The following ADAM10 variants were observed in gnomAD, a reference collection of about 807,000 sequenced individuals.
ADAM10 encodes disintegrin and metalloproteinase domain-containing protein 10.
ADAM10 carries 17 observed loss-of-function variants against 90.1 expected under a neutral mutation model. The ratio of observed to expected loss-of-function variants is 0.19; its 90% CI spans 0.13 to 0.28. The LOEUF is 0.28. Ranked by LOEUF, ADAM10 falls within the 10% of genes least tolerant of loss-of-function variation. The pLI is 1.00. For missense variants in ADAM10, 610 were observed against 914.3 expected (o/e 0.67, Z 4.29); for synonymous variants, 310 against 298.6 (o/e 1.04, Z -0.40).
At chr15:58,685,160 TA>T (rs140613738) in intron 2 of ADAM10, among the ~76,000 whole-genome samples, 60,178 of 119,088 alleles carry the variant, frequency 0.51, 15,500 homozygotes, top group East Asian at 0.78. Context: ...TTATATTAAG[TA>T]AAAAAAAAAA....
intron 11 of ADAM10, among the ~76,000 whole-genome samples, chr15:58,614,459 C>G (rs538779601): frequency 4.6e-5 from 7 of 152,116 alleles, no homozygotes; most frequent in African/African-American, 1.7e-4. Flanking sequence ...TATAAGGGAG[C>G]ATCTATTAGA....
At position 58,627,838 on chromosome 15, in the gene ADAM10, C is replaced by G; in HGVS notation, c.1222G>C (p.Gly408Arg). 6.2e-7 allele frequency: 1 copy of G among 1,613,418 alleles called. No individual in the cohort carries two copies. The highest frequency in any genetic ancestry group is 8.5e-7 in the Non-Finnish European group (1 of 1,179,732). Residue 408 changes from glycine (G) to arginine (R), a missense_variant, in exon 10 of 16, where the codon GGT becomes CGT. By Grantham distance (125) the Gly-to-Arg change is moderately radical. This residue lies in a region of ADAM10 where 97 missense variants were observed against 221.4 expected (regional missense o/e 0.44). Transcript: ENST00000260408. ...ECTPGESKNLGQKENGNYIMY... is the reference protein window; with the variant it reads ...ECTPGESKNLRQKENGNYIMY... ...ATGTAATTGCCATTTTCTTTTTGAC[C>G]CAAATTCTTAGATTCTCCTGGTGTG...
chr15:58,626,220 T>C (rs951218139), intron 10 of ADAM10, among the ~76,000 whole-genome samples: 8 of 152,106 alleles, frequency 5.3e-5, no homozygotes, highest in Admixed American at 1.3e-4. Context: ...GGTCATGATA[T>C]TGTACTACAG....
intron 1 of ADAM10, among the ~76,000 whole-genome samples, chr15:58,744,185 C>T (rs182464849): frequency 2.7e-5 from 4 of 150,090 alleles, no homozygotes; most frequent in Admixed American, 6.7e-5. Flanking sequence ...TAGAAAGTTA[C>T]GATCCAGGCA....
intron 2 of ADAM10, among the ~76,000 whole-genome samples, chr15:58,699,481 G>C (rs1212394694): frequency 6.6e-6 from 1 of 152,174 alleles, no homozygotes; most frequent in Non-Finnish European, 1.5e-5. Context: ...TATACAGGCT[G>C]GGCACAGTGG....
Position 58,686,391 on chromosome 15 carries a change from C to T in ADAM10, c.207-4077G>A, listed in dbSNP as rs1343003554. On this transcript the variant is annotated intron_variant, in intron 2 of 15. Transcript: ENST00000260408. ...AAGCTTAAAAACAAGGCTGGGCCCT[C>T]GGAGCCCAGCGCCGCCACCATGTCC... 8.0e-6 allele frequency: 8 copies of T among 1,000,256 alleles called. No homozygotes were observed. In the African/African-American group the frequency reaches 9.6e-5, roughly 12 times the overall value. 62.0% of individuals were successfully genotyped at this position (1,000,256 alleles called of 1,614,324 possible).
intron 2 of ADAM10, among the ~76,000 whole-genome samples, chr15:58,712,764 T>C (rs775144372): frequency 4.6e-5 from 7 of 151,818 alleles, no homozygotes; most frequent in Admixed American, 1.3e-4. Context: ...AGAGGGAGCT[T>C]GCAGTAAGCC....
intron 3 of ADAM10, among the ~76,000 whole-genome samples, chr15:58,679,871 G>C (rs1371871173): frequency 6.6e-6 from 1 of 152,112 alleles, no homozygotes; most frequent in Non-Finnish European, 1.5e-5. Flanking sequence ...TGGCACCACT[G>C]AACTCCAGCC....
At chr15:58,722,468 C>G (rs1898886609) in intron 1 of ADAM10, among the ~76,000 whole-genome samples, 3 of 150,668 alleles carry the variant, frequency 2.0e-5, no homozygotes, top group South Asian at 2.1e-4. Flanking sequence ...CCCAAGAGTT[C>G]AAGGCCACAG....
chr15:58,736,266 C>A (rs1486812121), intron 1 of ADAM10, among the ~76,000 whole-genome samples: 1 of 152,178 alleles, frequency 6.6e-6, no homozygotes, highest in African/African-American at 2.4e-5. Flanking sequence ...AACGTCTTCT[C>A]CTTTCTCTTC....
rs200538989 is a variant in ADAM10 at position 58,596,791 on chromosome 15, G to A, written c.*756C>T. On this transcript the variant is annotated 3_prime_UTR_variant, in exon 16 of 16. Coordinates refer to ENST00000260408, the MANE Select transcript of ADAM10 (RefSeq NM_001110.4). ...TGTCCAGTTTGCACAACACTTAACTGTGTTCTTCAGTATAGTCACTTGTGC... is the reference window on the plus strand; with the variant it reads ...TGTCCAGTTTGCACAACACTTAACTATGTTCTTCAGTATAGTCACTTGTGC... 67 of 153,350 alleles carry A rather than the reference G, an allele frequency of 4.4e-4. No individual in the cohort carries two copies. The highest frequency in any genetic ancestry group is 8.1e-4 in the Non-Finnish European group (56 of 68,896). 9.5% of individuals were successfully genotyped at this position (153,350 alleles called of 1,614,324 possible).
chr15:58,738,807 CT>C (rs1308220963), intron 1 of ADAM10, among the ~76,000 whole-genome samples: 5 of 152,096 alleles, frequency 3.3e-5, no homozygotes, highest in Non-Finnish European at 5.9e-5. Context: ...TTTATACAAT[CT>C]TTTTTTATTC....
rs1216101117 is a variant in ADAM10 at position 58,748,678 on chromosome 15, T to C, written c.55+802A>G. On this transcript the variant is annotated intron_variant, in intron 1 of 15. Transcript: ENST00000260408. ...TTGGGTCACCCAGGGACCGAACTTC[T>C]ACTCTAAGAGACCCAATCCAGCCTA... The C allele has an allele frequency of 8.3e-6, 3 of 362,742 alleles. No homozygotes were observed. The East Asian group carries it at 1.2e-4, about 15-fold the overall frequency. 22.5% of individuals were successfully genotyped at this position (362,742 alleles called of 1,614,324 possible).
At chr15:58,616,325 T>C (rs1219123949) in intron 11 of ADAM10, among the ~76,000 whole-genome samples, 1 of 152,196 alleles carries the variant, frequency 6.6e-6, no homozygotes, top group Non-Finnish European at 1.5e-5. Context: ...TGTGGCAGAA[T>C]ACACATTCTT....
chr15:58,626,562 G>C (rs8025872), intron 10 of ADAM10, among the ~76,000 whole-genome samples: 136 of 152,164 alleles, frequency 8.9e-4, no homozygotes, highest in African/African-American at 3.2e-3. Context: ...CCGCAAGAAA[G>C]ACATAACAGA....
At chr15:58,653,730 A>G (rs1218309444) in intron 5 of ADAM10, among the ~76,000 whole-genome samples, 1 of 152,144 alleles carries the variant, frequency 6.6e-6, no homozygotes, top group Non-Finnish European at 1.5e-5. Context: ...GCCTCCTAGA[A>G]TGAGTTTGAA....
chr15:58,719,724 TA>T (rs200906156), intron 1 of ADAM10, among the ~76,000 whole-genome samples: 2 of 151,440 alleles, frequency 1.3e-5, no homozygotes, highest in African/African-American at 2.4e-5. Context: ...TTTACTAGAA[TA>T]AAAAAAAATG....
intron 2 of ADAM10, among the ~76,000 whole-genome samples, chr15:58,708,290 A>G (rs1220455255): frequency 1.3e-5 from 2 of 152,258 alleles, no homozygotes; most frequent in East Asian, 1.9e-4. Flanking sequence ...ACATCAAACT[A>G]TAATTCCTTG....
intron 5 of ADAM10, among the ~76,000 whole-genome samples, chr15:58,658,755 AT>A (rs1830985938): frequency 6.6e-6 from 1 of 151,958 alleles, no homozygotes; most frequent in Non-Finnish European, 1.5e-5. Context: ...TGCTATTTTA[AT>A]TTTTTTCATT....
Sources: allele counts gnomAD v4.1 joint callset (sites outside exome capture counted in the v4.1 genomes callset), GRCh38; gene constraint gnomAD v4.1.1; regional missense constraint gnomAD v4.1.1; transcripts MANE v1.5; gene names NCBI Gene and HGNC (gene_info 2026-07-23, HGNC 2026-07-21).